The following DPP10 variants were observed in gnomAD, a reference collection of about 807,000 sequenced individuals.
DPP10 encodes the protein inactive dipeptidyl peptidase 10.
A neutral mutation model predicts 120.9 loss-of-function variants in DPP10; 33 were observed. The observed-to-expected ratio is 0.27, with a 90% CI of 0.21 to 0.37. The LOEUF is 0.37. DPP10 is among the 10% of genes least tolerant of loss of function. The probability of loss-of-function intolerance (pLI) is 1.00; values close to 1 mark genes in which losing one functional copy is unlikely to be tolerated. For synonymous variants in DPP10, 337 were observed against 326.1 expected, an observed-to-expected ratio of 1.03 and a Z score of -0.36; for missense variants, 816 against 942.8, an observed-to-expected ratio of 0.87 and a Z score of 1.76.
chr2:114,589,468 C>T (rs1207636311), intron 1 of DPP10, among the ~76,000 whole-genome samples: 1 of 152,106 alleles, frequency 6.6e-6, no homozygotes, highest in Non-Finnish European at 1.5e-5. Context: ...ATGTTTTTGT[C>T]ATGCATGTGT....
At chr2:115,470,126 C>T (rs2074606695) in intron 3 of DPP10, among the ~76,000 whole-genome samples, 1 of 152,020 alleles carries the variant, frequency 6.6e-6, no homozygotes, top group Admixed American at 6.6e-5. Flanking sequence ...AATCAAAATC[C>T]TTACCTATGA....
At chr2:115,425,161 T>A (rs1574805803) in intron 3 of DPP10, among the ~76,000 whole-genome samples, 1 of 152,104 alleles carries the variant, frequency 6.6e-6, no homozygotes, top group South Asian at 2.1e-4. Context: ...CCTAAAAGGG[T>A]TTATTTAATA....
chr2:114,457,250 A>G (rs774036522), intron 1 of DPP10, among the ~76,000 whole-genome samples: 4 of 152,164 alleles, frequency 2.6e-5, no homozygotes, highest in Non-Finnish European at 5.9e-5. Flanking sequence ...CCTCAGTGCT[A>G]TTGACATGTT....
intron 1 of DPP10, among the ~76,000 whole-genome samples, chr2:114,907,338 T>C (rs1228351500): frequency 6.6e-6 from 1 of 152,030 alleles, no homozygotes; most frequent in Non-Finnish European, 1.5e-5. Context: ...TCTTTATACT[T>C]GCTTTGTATT....
intron 1 of DPP10, among the ~76,000 whole-genome samples, chr2:114,596,220 A>G (rs934233545): frequency 2.0e-5 from 3 of 151,906 alleles, no homozygotes; most frequent in Admixed American, 6.6e-5. Context: ...GCTTCTGCTC[A>G]TTGGGCCCAT....
chr2:114,572,804 A>G, intron 1 of DPP10, among the ~76,000 whole-genome samples: 1 of 152,228 alleles, frequency 6.6e-6, no homozygotes, highest in Non-Finnish European at 1.5e-5. Context: ...CTTCTTACAG[A>G]TGAAGAAACT....
intron 7 of DPP10, among the ~76,000 whole-genome samples, chr2:115,712,405 G>T (rs2092347650): frequency 6.6e-6 from 1 of 151,172 alleles, no homozygotes; most frequent in African/African-American, 2.4e-5. Flanking sequence ...CTCCTGCTGT[G>T]AAGCCCAGTT....
chr2:115,012,574 G>C (rs1702343599), intron 1 of DPP10, among the ~76,000 whole-genome samples: 1 of 152,094 alleles, frequency 6.6e-6, no homozygotes, highest in Non-Finnish European at 1.5e-5. Context: ...GCTAGACCAA[G>C]AAAAGCAAAA....
At chr2:115,617,406 C>T (rs1035263600) in intron 5 of DPP10, among the ~76,000 whole-genome samples, 5 of 150,028 alleles carry the variant, frequency 3.3e-5, no homozygotes, top group Non-Finnish European at 7.4e-5. Flanking sequence ...AAGAATGGAG[C>T]AATGCATTTA....
chr2:114,899,914 C>G (rs570082446), intron 1 of DPP10, among the ~76,000 whole-genome samples: 1 of 152,112 alleles, frequency 6.6e-6, no homozygotes, highest in African/African-American at 2.4e-5. Flanking sequence ...GAGCCAAGAT[C>G]GCACCACTGC....
intron 5 of DPP10, among the ~76,000 whole-genome samples, chr2:115,639,767 A>C (rs1381582371): frequency 6.6e-6 from 1 of 152,118 alleles, no homozygotes; most frequent in Non-Finnish European, 1.5e-5. Flanking sequence ...TTGATTCAGG[A>C]ATCTGCATTT....
chr2:114,706,146 G>T (rs80114491), intron 1 of DPP10, among the ~76,000 whole-genome samples: 1 of 152,272 alleles, frequency 6.6e-6, no homozygotes, highest in South Asian at 2.1e-4. Flanking sequence ...TGAAAGAGCT[G>T]CCTGGCCATA....
At chr2:115,013,080 C>A (rs564379681) in intron 1 of DPP10, among the ~76,000 whole-genome samples, 1 of 152,218 alleles carries the variant, frequency 6.6e-6, no homozygotes, top group South Asian at 2.1e-4. Flanking sequence ...GACGCAGTTT[C>A]TTCATAGTGT....
At chr2:115,320,404 C>T (rs371114349) in intron 2 of DPP10, among the ~76,000 whole-genome samples, 14 of 151,728 alleles carry the variant, frequency 9.2e-5, no homozygotes, top group Non-Finnish European at 1.8e-4. Context: ...TGTCCTTTTA[C>T]GTGTTTTTTT....
intron 1 of DPP10, among the ~76,000 whole-genome samples, chr2:115,042,767 T>A (rs1312060389): frequency 6.6e-6 from 1 of 152,220 alleles, no homozygotes; most frequent in African/African-American, 2.4e-5. Flanking sequence ...CAATTCATGC[T>A]ATAATCTATT....
chr2:115,072,209 T>C (rs1707422814), intron 1 of DPP10, among the ~76,000 whole-genome samples: 1 of 152,160 alleles, frequency 6.6e-6, no homozygotes, highest in Admixed American at 6.5e-5. Context: ...GATGGTTATC[T>C]GAACGAGAGC....
intron 1 of DPP10, among the ~76,000 whole-genome samples, chr2:115,212,460 A>G (rs79945452): frequency 0.01 from 1,558 of 152,228 alleles, 12 homozygotes; most frequent in Non-Finnish European, 0.017. Context: ...TCTTTAATTC[A>G]GTGTAAACTT....
chr2:115,475,757 G>A (rs1022009051), intron 3 of DPP10, among the ~76,000 whole-genome samples: 6 of 152,182 alleles, frequency 3.9e-5, no homozygotes, highest in Non-Finnish European at 5.9e-5. Flanking sequence ...TTTTGCGTCA[G>A]TGTGACCTGG....
At chr2:115,006,941 A>G (rs1384743401) in intron 1 of DPP10, among the ~76,000 whole-genome samples, 1 of 152,142 alleles carries the variant, frequency 6.6e-6, no homozygotes, top group Non-Finnish European at 1.5e-5. Context: ...CACCACACCT[A>G]TTCCAAAACT....
Sources: allele counts gnomAD v4.1 joint callset (sites outside exome capture counted in the v4.1 genomes callset), GRCh38; gene constraint gnomAD v4.1.1; transcripts MANE v1.5; gene names NCBI Gene and HGNC (gene_info 2026-07-23, HGNC 2026-07-21).